The following PDZRN4 variants were observed in gnomAD, a reference collection of about 807,000 sequenced individuals.
The protein encoded by PDZRN4 is PDZ domain containing ring finger 4, also known as PDZ domain-containing RING finger protein 4.
A neutral mutation model predicts 99.0 loss-of-function variants in PDZRN4; 70 were observed. The observed-to-expected ratio is 0.71, with a 90% CI of 0.58 to 0.86. The LOEUF (loss-of-function observed/expected upper bound fraction) is 0.86. PDZRN4 is among the 40% of genes least tolerant of loss of function. PDZRN4 has a pLI of 0.00. For synonymous variants in PDZRN4, 551 were observed against 501.6 expected (o/e 1.10, Z -1.32); for missense variants, 1,474 against 1,331.2 (o/e 1.11, Z -1.67).
chr12:41,285,304 G>T (rs1051210562), intron 3 of PDZRN4, among the ~76,000 whole-genome samples: 1 of 152,120 alleles, frequency 6.6e-6, no homozygotes, highest in Non-Finnish European at 1.5e-5. Flanking sequence ...ACCACAATGA[G>T]ATACCATCTC....
intron 5 of PDZRN4, among the ~76,000 whole-genome samples, chr12:41,547,562 T>C (rs1051009446): frequency 3.3e-5 from 5 of 151,626 alleles, no homozygotes; most frequent in Non-Finnish European, 7.4e-5. Context: ...GGAGTGGAGG[T>C]TGCAGTCAGC....
intron 3 of PDZRN4, among the ~76,000 whole-genome samples, chr12:41,229,372 CAGG>C (rs1291526670): frequency 6.6e-6 from 1 of 151,904 alleles, no homozygotes; most frequent in Non-Finnish European, 1.5e-5. Flanking sequence ...CCAAAAATGG[CAGG>C]TTCAAGATCA....
At chr12:41,414,286 C>A (rs1250329297) in intron 3 of PDZRN4, among the ~76,000 whole-genome samples, 2 of 151,952 alleles carry the variant, frequency 1.3e-5, no homozygotes, top group African/African-American at 4.8e-5. Context: ...TGACTATATG[C>A]CTTGGTGATG....
At chr12:41,433,258 T>A (rs12227680) in intron 3 of PDZRN4, among the ~76,000 whole-genome samples, 28,433 of 152,132 alleles carry the variant, frequency 0.19, 3,285 homozygotes, top group Non-Finnish European at 0.26. Flanking sequence ...TAAAGACATG[T>A]TCGTGTAGCT....
chr12:41,468,317 C>T (rs780070631), intron 3 of PDZRN4, among the ~76,000 whole-genome samples: 6 of 152,284 alleles, frequency 3.9e-5, no homozygotes, highest in African/African-American at 1.2e-4. Flanking sequence ...AAAAATCTCC[C>T]ACACACTTAC....
At chr12:41,283,131 A>G (rs1052976105) in intron 3 of PDZRN4, among the ~76,000 whole-genome samples, 9 of 152,168 alleles carry the variant, frequency 5.9e-5, no homozygotes, top group South Asian at 2.1e-4. Flanking sequence ...ACTAATTAAG[A>G]AGAAAAGAGA....
At chr12:41,307,607 C>CAA (rs1252101551) in intron 3 of PDZRN4, among the ~76,000 whole-genome samples, 1 of 52,454 alleles carries the variant, frequency 1.9e-5, no homozygotes, top group African/African-American at 6.1e-5. Flanking sequence ...TTTGGAGAGC[C>CAA]AGATTTTTTT....
intron 4 of PDZRN4, 140 bp from the exon 5 acceptor site, chr12:41,509,671 A>G (rs1938272650): frequency 2.1e-6 from 1 of 476,228 alleles, no homozygotes; most frequent in Non-Finnish European, 3.7e-6. Context: ...GCTTTTCCTC[A>G]GCTGTAGTTT....
At chr12:41,286,327 CTTCTTCTTCTTTTT>C in intron 3 of PDZRN4, among the ~76,000 whole-genome samples, 1 of 116,264 alleles carries the variant, frequency 8.6e-6, no homozygotes, top group African/African-American at 3.0e-5. Context: ...GATCATTTTC[CTTCTTCTTCTTTTT>C]TTTTTTTTTT....
At chr12:41,270,326 C>CTGTGTGTG (rs60482879) in intron 3 of PDZRN4, among the ~76,000 whole-genome samples, 2 of 138,382 alleles carry the variant, frequency 1.4e-5, no homozygotes, top group East Asian at 2.2e-4. Flanking sequence ...GTGTGTGTGT[C>CTGTGTGTG]TGTGTGTGTG....
At chr12:41,380,002 G>A (rs996920080) in intron 3 of PDZRN4, among the ~76,000 whole-genome samples, 1 of 151,806 alleles carries the variant, frequency 6.6e-6, no homozygotes, top group South Asian at 2.1e-4. Context: ...GTTAGCATTT[G>A]CTTGATATAT....
At position 41,371,965 on chromosome 12, in the gene PDZRN4, A is replaced by T. The variant is rs543737251; in HGVS notation, c.844-134491A>T. 2.0e-5 allele frequency among the ~76,000 whole-genome samples: 3 copies of T among 152,190 alleles called. No individual in the cohort carries two copies. The East Asian group carries it at 5.8e-4, about 29-fold the overall frequency. On this transcript the variant is annotated intron_variant, in intron 3 of 9. Transcript: ENST00000402685. The stretch of plus-strand genomic sequence containing the variant: ...CTAGTTTATTCCCTTTATTCCCTGC[A>T]AGTCTATACTCCTACTAGATGTCAG...
At chr12:41,382,166 T>C (rs574914724) in intron 3 of PDZRN4, among the ~76,000 whole-genome samples, 124 of 152,294 alleles carry the variant, frequency 8.1e-4, no homozygotes, top group African/African-American at 2.9e-3. Flanking sequence ...ATGGGTTCCA[T>C]TATCACGCCA....
rs190137410 is a variant in PDZRN4, at chr12:41,378,344, T to C, written c.844-128112T>C. On this transcript the variant is annotated intron_variant, in intron 3 of 9. Transcript: ENST00000402685. ...GGATAAATCAAAGCTGATCATGGTG[T>C]ACGAAACTTTTAATGTGCTATTGAA... Among the ~76,000 whole-genome samples, 13 of 152,208 alleles carry C rather than the reference T, an allele frequency of 8.5e-5. No homozygotes were observed. The East Asian group carries it at 2.3e-3, about 27-fold the overall frequency.
intron 3 of PDZRN4, among the ~76,000 whole-genome samples, chr12:41,443,106 C>T (rs970185261): frequency 2.6e-5 from 4 of 152,062 alleles, no homozygotes; most frequent in Admixed American, 6.6e-5. Flanking sequence ...TTAATATGTG[C>T]CAAGCCCTGG....
chr12:41,202,512 C>T (rs1485131214), intron 3 of PDZRN4, among the ~76,000 whole-genome samples: 1 of 152,000 alleles, frequency 6.6e-6, no homozygotes, highest in African/African-American at 2.4e-5. Flanking sequence ...GTGCCTGATC[C>T]TCTTAAGCCT....
intron 3 of PDZRN4, among the ~76,000 whole-genome samples, chr12:41,214,109 G>T (rs1466861308): frequency 6.6e-6 from 1 of 151,806 alleles, no homozygotes; most frequent in African/African-American, 2.4e-5. Context: ...GACCTAACTA[G>T]CTTATGTAAA....
chr12:41,199,040 A>C (rs1190578591), intron 3 of PDZRN4, among the ~76,000 whole-genome samples: 1 of 152,174 alleles, frequency 6.6e-6, no homozygotes, highest in Non-Finnish European at 1.5e-5. Flanking sequence ...AAGCAGGAAA[A>C]TTAATTGCAG....
chr12:41,293,971 G>A (rs1015297226), intron 3 of PDZRN4, among the ~76,000 whole-genome samples: 1 of 152,164 alleles, frequency 6.6e-6, no homozygotes, highest in African/African-American at 2.4e-5. Flanking sequence ...CAAAGACATG[G>A]CATTCAATAA....
Sources: gnomAD v4.1 joint callset for allele counts (sites outside exome capture counted in the v4.1 genomes callset) on GRCh38, gnomAD v4.1.1 for gene constraint, MANE v1.5 for transcripts, NCBI Gene and HGNC (gene_info 2026-07-23, HGNC 2026-07-21) for gene names.